FGF12: variants seen among roughly 807,000 people sequenced by gnomAD.
The protein encoded by FGF12 is fibroblast growth factor 12B.
A neutral mutation model predicts 23.6 loss-of-function variants in FGF12; 14 were observed. The observed-to-expected ratio is 0.59, with a 90% CI of 0.39 to 0.93. The LOEUF (loss-of-function observed/expected upper bound fraction) is 0.93, where lower values mean the gene tolerates loss of function less well. Ranked by LOEUF, FGF12 falls within the 40% of genes least tolerant of loss-of-function variation. The pLI is 0.00. For missense variants in FGF12, 175 were observed against 217.8 expected (o/e 0.80, Z 1.24); for synonymous variants, 62 against 77.3 (o/e 0.80, Z 1.04).
At chr3:192,358,487 TG>T (rs1258233836) in intron 3 of FGF12, among the ~76,000 whole-genome samples, 1 of 152,086 alleles carries the variant, frequency 6.6e-6, no homozygotes, top group African/African-American at 2.4e-5. Context: ...TGTGTGTGTG[TG>T]TATGTGGGTT....
intron 2 of FGF12, among the ~76,000 whole-genome samples, chr3:192,622,657 C>T (rs930592493): frequency 1.3e-5 from 2 of 152,062 alleles, no homozygotes; most frequent in African/African-American, 2.4e-5. Context: ...ATTCTCATAC[C>T]GTTTTGAACA....
chr3:192,521,554 C>T (rs1724813259), intron 2 of FGF12, among the ~76,000 whole-genome samples: 1 of 152,176 alleles, frequency 6.6e-6, no homozygotes, highest in Non-Finnish European at 1.5e-5. Flanking sequence ...AGTCAAAACT[C>T]ATTACCAAAG....
chr3:192,426,237 G>T (rs1721683818), intron 2 of FGF12, among the ~76,000 whole-genome samples: 1 of 152,136 alleles, frequency 6.6e-6, no homozygotes, highest in African/African-American at 2.4e-5. Context: ...ATAAAAGGAG[G>T]GGGGAAATGG....
intron 2 of FGF12, among the ~76,000 whole-genome samples, chr3:192,383,029 A>G (rs771517353): frequency 1.3e-5 from 2 of 152,222 alleles, no homozygotes; most frequent in Non-Finnish European, 2.9e-5. Context: ...CTTAGTTATT[A>G]ATTGCATGTG....
intron 4 of FGF12, among the ~76,000 whole-genome samples, chr3:192,258,610 T>C (rs1171125754): frequency 6.6e-6 from 1 of 152,186 alleles, no homozygotes; most frequent in Non-Finnish European, 1.5e-5. Flanking sequence ...CTTAATCTTT[T>C]GCTCTGTTGT....
At chr3:192,696,461 G>C (rs1718126913) in intron 2 of FGF12, among the ~76,000 whole-genome samples, 1 of 152,144 alleles carries the variant, frequency 6.6e-6, no homozygotes, top group Non-Finnish European at 1.5e-5. Flanking sequence ...GAGAAAATAA[G>C]AGCAGGTGGG....
intron 2 of FGF12, among the ~76,000 whole-genome samples, chr3:192,725,517 T>G (rs760187554): frequency 3.3e-5 from 5 of 152,174 alleles, no homozygotes; most frequent in Admixed American, 6.5e-5. Context: ...GTTAGCAATA[T>G]GATCATTAAA....
chr3:192,350,940 C>T (rs753305684), intron 3 of FGF12, among the ~76,000 whole-genome samples: 1 of 152,066 alleles, frequency 6.6e-6, no homozygotes, highest in African/African-American at 2.4e-5. Context: ...AGAGTTATTG[C>T]AAGAGTCCAT....
intron 2 of FGF12, among the ~76,000 whole-genome samples, chr3:192,477,624 G>T (rs1723363935): frequency 6.6e-6 from 1 of 152,110 alleles, no homozygotes; most frequent in African/African-American, 2.4e-5. Context: ...AGCAGCTATT[G>T]AAATGGAGAA....
At chr3:192,562,046 T>TA (rs1476396149) in intron 2 of FGF12, among the ~76,000 whole-genome samples, 1 of 152,144 alleles carries the variant, frequency 6.6e-6, no homozygotes, top group East Asian at 1.9e-4. Context: ...ATGGAATACT[T>TA]AGACAATAGA....
At chr3:192,157,298 CA>C (rs1714480683) in intron 5 of FGF12, among the ~76,000 whole-genome samples, 1 of 152,178 alleles carries the variant, frequency 6.6e-6, no homozygotes, top group African/African-American at 2.4e-5. Context: ...AACACAAATA[CA>C]ATGCAACACT....
chr3:192,687,529 C>G (rs1034626141), intron 2 of FGF12, among the ~76,000 whole-genome samples: 1 of 152,076 alleles, frequency 6.6e-6, no homozygotes, highest in Non-Finnish European at 1.5e-5. Context: ...TTGGGTTGGC[C>G]TAATTTAAAG....
rs375586423 is a variant in FGF12, at chr3:192,592,597, T to C, written c.13+134584A>G. Among the ~76,000 whole-genome samples, 4 of 152,008 alleles carry C rather than the reference T, an allele frequency of 2.6e-5. No individual in the cohort carries two copies. The East Asian group carries it at 7.7e-4, about 29-fold the overall frequency. On this transcript the variant is annotated intron_variant, in intron 2 of 5. Coordinates refer to ENST00000445105, the MANE Select transcript of FGF12 (RefSeq NM_004113.6). ...CCATCTTCCCAAGCTCCTCGCCCAG[T>C]TGTTGCTCCTCTACCATCATAATAT... is the stretch of plus-strand genomic sequence containing the variant.
intron 2 of FGF12, among the ~76,000 whole-genome samples, chr3:192,396,808 CAGGTGTCTGCATAATCACA>C (rs1720542464): frequency 6.6e-6 from 1 of 152,172 alleles, no homozygotes; most frequent in Non-Finnish European, 1.5e-5. Context: ...TCAGCCCTAA[CAGGTGTCTGCATAATCACA>C]AAGAAAACCA....
chr3:192,351,547 G>A (rs1344047926), intron 3 of FGF12, among the ~76,000 whole-genome samples: 1 of 152,196 alleles, frequency 6.6e-6, no homozygotes, highest in Admixed American at 6.5e-5. Flanking sequence ...CAGGTAGGAA[G>A]AAAATGTGGG....
chr3:192,634,212 C>T (rs1203286839), intron 2 of FGF12, among the ~76,000 whole-genome samples: 1 of 151,984 alleles, frequency 6.6e-6, no homozygotes, highest in Admixed American at 6.6e-5. Context: ...GATTCATATA[C>T]ACATGCGCAC....
intron 4 of FGF12, among the ~76,000 whole-genome samples, chr3:192,190,600 C>G (rs528055681): frequency 1.3e-5 from 2 of 151,264 alleles, no homozygotes; most frequent in East Asian, 3.9e-4. Context: ...CTCAGCCTCC[C>G]GAGTAGCTGG....
At chr3:192,316,779 C>T (rs1011111476) in intron 4 of FGF12, among the ~76,000 whole-genome samples, 2 of 152,148 alleles carry the variant, frequency 1.3e-5, no homozygotes, top group African/African-American at 2.4e-5. Flanking sequence ...TAAGGGGATG[C>T]TTGCATCACC....
At chr3:192,164,073 G>A (rs1340728308) in intron 5 of FGF12, among the ~76,000 whole-genome samples, 2 of 151,948 alleles carry the variant, frequency 1.3e-5, no homozygotes, top group Non-Finnish European at 2.9e-5. Flanking sequence ...TAAATACTCA[G>A]CCACCTGCAG....
Sources: gnomAD v4.1 joint callset for allele counts (sites outside exome capture counted in the v4.1 genomes callset) on GRCh38, gnomAD v4.1.1 for gene constraint, MANE v1.5 for transcripts, NCBI Gene and HGNC (gene_info 2026-07-23, HGNC 2026-07-21) for gene names.